SHISA9: variants seen among roughly 807,000 people sequenced by gnomAD.
The protein encoded by SHISA9 is shisa family member 9.
SHISA9 carries 13 observed loss-of-function variants against 38.0 expected under a neutral mutation model. The ratio of observed to expected loss-of-function variants is 0.34; its 90% CI spans 0.22 to 0.54. SHISA9 has a LOEUF of 0.54. Ranked by LOEUF, SHISA9 falls within the 20% of genes least tolerant of loss-of-function variation. The pLI, the probability that SHISA9 is intolerant of heterozygous loss-of-function variation, is 0.91. For missense variants in SHISA9, 538 were observed against 575.8 expected, an observed-to-expected ratio of 0.93 and a Z score of 0.67; for synonymous variants, 275 against 242.0, an observed-to-expected ratio of 1.14 and a Z score of -1.27.
chr16:13,219,661 A>G (rs1381615359), intron 4 of SHISA9, among the ~76,000 whole-genome samples: 1 of 152,206 alleles, frequency 6.6e-6, no homozygotes, highest in Non-Finnish European at 1.5e-5. Flanking sequence ...GGCATGGGGA[A>G]GTGGAGGGAT....
intron 2 of SHISA9, among the ~76,000 whole-genome samples, chr16:12,980,903 T>C (rs1315281491): frequency 6.6e-6 from 1 of 152,196 alleles, no homozygotes; most frequent in Non-Finnish European, 1.5e-5. Context: ...TTAAATTGGT[T>C]CTTTTAAATA....
At chr16:13,275,072 T>G in the SHISA9 span, among the ~76,000 whole-genome samples, 1 of 152,088 alleles carries the variant, frequency 6.6e-6, no homozygotes, top group Non-Finnish European at 1.5e-5. Context: ...GACATTTGAG[T>G]GCAGCTCTAC....
At chr16:13,513,899 G>A in the SHISA9 span, among the ~76,000 whole-genome samples, 2 of 152,162 alleles carry the variant, frequency 1.3e-5, no homozygotes, top group East Asian at 3.8e-4. Context: ...AACTTAGAAG[G>A]TGGGTTGATA....
the SHISA9 span, among the ~76,000 whole-genome samples, chr16:13,471,467 G>C: frequency 1.3e-5 from 2 of 152,142 alleles, no homozygotes; most frequent in African/African-American, 2.4e-5. Context: ...TATAAGCACT[G>C]ACAAATGCTA....
intron 2 of SHISA9, among the ~76,000 whole-genome samples, chr16:13,005,789 T>C (rs1032217540): frequency 1.3e-5 from 2 of 152,080 alleles, no homozygotes; most frequent in Non-Finnish European, 2.9e-5. Context: ...GGAGTGAATA[T>C]TGGTGAGGGT....
chr16:13,096,553 A>G (rs1173799177), intron 2 of SHISA9, among the ~76,000 whole-genome samples: 1 of 152,076 alleles, frequency 6.6e-6, no homozygotes, highest in African/African-American at 2.4e-5. Flanking sequence ...GAAGATGGGG[A>G]AGGTTGATAT....
the SHISA9 span, among the ~76,000 whole-genome samples, chr16:13,472,289 C>G: frequency 6.6e-6 from 1 of 151,338 alleles, no homozygotes; most frequent in Admixed American, 6.6e-5. Context: ...TTTTTCTCCT[C>G]TGTCCCCTCA....
At chr16:12,940,097 G>C (rs979070095) in intron 2 of SHISA9, among the ~76,000 whole-genome samples, 6 of 152,152 alleles carry the variant, frequency 3.9e-5, no homozygotes, top group African/African-American at 1.4e-4. Flanking sequence ...AACCCTGCTG[G>C]GGAGGAGAGA....
At chr16:13,403,521 T>C in the SHISA9 span, among the ~76,000 whole-genome samples, 1 of 152,194 alleles carries the variant, frequency 6.6e-6, no homozygotes, top group Admixed American at 6.5e-5. Flanking sequence ...GCTAATCCCA[T>C]GTGGAATGTT....
the SHISA9 span, among the ~76,000 whole-genome samples, chr16:13,493,322 T>G: frequency 6.6e-6 from 1 of 152,222 alleles, no homozygotes; most frequent in African/African-American, 2.4e-5. Context: ...TAGAGGCACC[T>G]GATTTTTTAC....
intron 2 of SHISA9, among the ~76,000 whole-genome samples, chr16:12,954,332 C>A (rs1213750830): frequency 6.6e-6 from 1 of 152,160 alleles, no homozygotes; most frequent in Admixed American, 6.5e-5. Context: ...TAGACAGAAA[C>A]ATGGGCATAC....
chr16:12,979,877 C>G (rs558387516), intron 2 of SHISA9, among the ~76,000 whole-genome samples: 1 of 152,198 alleles, frequency 6.6e-6, no homozygotes, highest in Admixed American at 6.5e-5. Flanking sequence ...TCCCTTTTTT[C>G]TCTTCCTTCT....
the SHISA9 span, among the ~76,000 whole-genome samples, chr16:13,297,204 AG>A: frequency 4.6e-5 from 7 of 152,266 alleles, no homozygotes; most frequent in East Asian, 1.4e-3. Flanking sequence ...GCTATTTTCA[AG>A]TTTTTACTTC....
At chr16:13,297,796 G>A in the SHISA9 span, among the ~76,000 whole-genome samples, 10 of 151,954 alleles carry the variant, frequency 6.6e-5, no homozygotes, top group Admixed American at 2.0e-4. Context: ...TGCTCTTGTT[G>A]CCCAGGCTGG....
At chr16:13,249,658 G>T in the SHISA9 span, among the ~76,000 whole-genome samples, 1 of 152,040 alleles carries the variant, frequency 6.6e-6, no homozygotes, top group Admixed American at 6.6e-5. Flanking sequence ...CTCTGTGTCT[G>T]TTTTTTACTC....
At chr16:13,225,311 T>G (rs204025) in intron 4 of SHISA9, among the ~76,000 whole-genome samples, 3 of 152,044 alleles carry the variant, frequency 2.0e-5, no homozygotes, top group Non-Finnish European at 4.4e-5. Context: ...TGTATTTCTG[T>G]TGTTTTAAGC....
the SHISA9 span, among the ~76,000 whole-genome samples, chr16:13,336,331 TA>T: frequency 9.9e-5 from 15 of 152,186 alleles, no homozygotes; most frequent in African/African-American, 3.4e-4. Flanking sequence ...AGAAAACAAT[TA>T]ATAATTTGAT....
chr16:13,471,232 G>C, the SHISA9 span, among the ~76,000 whole-genome samples: 1 of 152,136 alleles, frequency 6.6e-6, no homozygotes, highest in Admixed American at 6.5e-5. Context: ...GTGCAGCATG[G>C]AACTGTCCGC....
In SHISA9 at chr16:13,218,099, T is replaced by C. The variant is rs549103284; in HGVS notation, c.895+4799T>C. ...AAGAAGGAAGGAAAGACATTTCACC[T>C]AGCTTTTCTGCTTTTATACATGAGG... On this transcript the variant is annotated intron_variant, in intron 4 of 4. Transcript: ENST00000558583. 8.7e-4 allele frequency among the ~76,000 whole-genome samples: 133 copies of C among 152,272 alleles called. 1 individual carries two copies. Among genetic ancestry groups the C allele is most frequent in the Non-Finnish European group, 1.3e-4 (9 of 68,018 alleles).
Sources: allele counts gnomAD v4.1 joint callset (sites outside exome capture counted in the v4.1 genomes callset), GRCh38; gene constraint gnomAD v4.1.1; transcripts MANE v1.5; gene names NCBI Gene and HGNC (gene_info 2026-07-23, HGNC 2026-07-21).